ERGIC1: variants seen among roughly 807,000 people sequenced by gnomAD.
ERGIC1 encodes the protein endoplasmic reticulum-Golgi intermediate compartment protein 1.
In ERGIC1, 19 loss-of-function variants were observed where a neutral mutation model predicts 38.3. That is an observed-to-expected ratio of 0.50 (90% CI 0.35 to 0.73). ERGIC1 has a LOEUF of 0.73. Ranked by LOEUF, ERGIC1 falls within the 30% of genes least tolerant of loss-of-function variation. ERGIC1 has a pLI of 0.01. For missense variants in ERGIC1, 294 were observed against 389.2 expected, an observed-to-expected ratio of 0.76 and a Z score of 2.06; for synonymous variants, 124 against 157.6, an observed-to-expected ratio of 0.79 and a Z score of 1.60.
intron 9 of ERGIC1, among the ~76,000 whole-genome samples, chr5:172,948,056 C>T (rs1187748961): frequency 6.6e-6 from 1 of 152,230 alleles, no homozygotes; most frequent in African/African-American, 2.4e-5. Flanking sequence ...CCGTCATCTT[C>T]CCTGAAAAGT....
intron 6 of ERGIC1, among the ~76,000 whole-genome samples, chr5:172,925,379 C>T (rs547771985): frequency 1.3e-5 from 2 of 152,334 alleles, no homozygotes; most frequent in South Asian, 2.1e-4. Context: ...AGCCTTCACA[C>T]GGTCAGTCTC....
chr5:172,903,351 T>C (rs114976489), intron 3 of ERGIC1, among the ~76,000 whole-genome samples: 1 of 152,088 alleles, frequency 6.6e-6, no homozygotes. Flanking sequence ...CTGAAGATTA[T>C]GAAAAAGGAC....
intron 9 of ERGIC1, among the ~76,000 whole-genome samples, chr5:172,941,906 C>T (rs1277099677): frequency 6.6e-6 from 1 of 152,110 alleles, no homozygotes; most frequent in Admixed American, 6.6e-5. Context: ...AGGGCAGGGG[C>T]ATTAAGAAGA....
chr5:172,883,809 C>T (rs1762344101), intron 1 of ERGIC1, among the ~76,000 whole-genome samples: 1 of 152,134 alleles, frequency 6.6e-6, no homozygotes, highest in South Asian at 2.1e-4. Flanking sequence ...TGGCAAAACC[C>T]CATCCCTACA....
chr5:172,854,403 A>G (rs1182161328), intron 1 of ERGIC1, among the ~76,000 whole-genome samples: 1 of 152,218 alleles, frequency 6.6e-6, no homozygotes, highest in Non-Finnish European at 1.5e-5. Context: ...AAGAAACTAC[A>G]GCAGACCCTT....
At chr5:172,856,927 A>G (rs13155834) in intron 1 of ERGIC1, among the ~76,000 whole-genome samples, 21,170 of 152,262 alleles carry the variant, frequency 0.14, 1,588 homozygotes, top group South Asian at 0.23. Flanking sequence ...CCGTGCATAC[A>G]AAATGCCTGA....
chr5:172,867,575 C>T (rs192854604), intron 1 of ERGIC1: 40 of 423,074 alleles, frequency 9.5e-5, no homozygotes, highest in African/African-American at 6.3e-4. Flanking sequence ...ACTCCACCCC[C>T]GAGTCCTAGC....
At chr5:172,872,818 AAAAAAG>A (rs1410186170) in intron 1 of ERGIC1, among the ~76,000 whole-genome samples, 72 of 152,154 alleles carry the variant, frequency 4.7e-4, no homozygotes, top group African/African-American at 1.6e-3. Context: ...TCTATCTCAA[AAAAAAG>A]AAAAAAAGAA....
At chr5:172,948,964 G>A (rs1267861218) in intron 9 of ERGIC1, among the ~76,000 whole-genome samples, 1 of 152,128 alleles carries the variant, frequency 6.6e-6, no homozygotes, top group Admixed American at 6.5e-5. Flanking sequence ...TGAGGCAGGA[G>A]AATCACTTGA....
rs563625471 is a variant in ERGIC1 at position 172,944,698 on chromosome 5, G to A, written c.766-6011G>A. 2.0e-5 allele frequency among the ~76,000 whole-genome samples: 3 copies of A among 152,304 alleles called. No homozygotes were observed. In the East Asian group the frequency reaches 5.8e-4, roughly 29 times the overall value. ...TAAAAGCCAGAAAACTGAGGCACTG[G>A]GAGCTAGGGTGGCACAAGAGCACAT... On this transcript the variant is annotated intron_variant, in intron 9 of 9. Coordinates refer to ENST00000393784, the MANE Select transcript of ERGIC1 (RefSeq NM_001031711.3).
At chr5:172,917,395 A>C (rs1250072432) in intron 5 of ERGIC1, 1 of 152,190 alleles carries the variant, frequency 6.6e-6, no homozygotes, top group Non-Finnish European at 1.5e-5. Flanking sequence ...GTTGGAAGTC[A>C]TGGGTCCTCA....
chr5:172,935,401 G>A (rs1763868955), intron 9 of ERGIC1, 91 bp downstream of exon 9: 10 of 1,566,224 alleles, frequency 6.4e-6, no homozygotes, highest in Admixed American at 3.5e-5. Flanking sequence ...ACCTGTTCTC[G>A]CTGAAACAGG....
At chr5:172,944,294 G>T (rs528184634) in intron 9 of ERGIC1, among the ~76,000 whole-genome samples, 2 of 152,156 alleles carry the variant, frequency 1.3e-5, no homozygotes, top group African/African-American at 4.8e-5. Context: ...GAGCGTGGCA[G>T]TGGCAAGGGA....
chr5:172,847,487 A>G (rs1017582512), intron 1 of ERGIC1, among the ~76,000 whole-genome samples: 1 of 152,080 alleles, frequency 6.6e-6, no homozygotes, highest in Non-Finnish European at 1.5e-5. Context: ...GCAGATTCCT[A>G]AACAGCATGT....
intron 9 of ERGIC1, among the ~76,000 whole-genome samples, chr5:172,946,771 A>G (rs1764131327): frequency 6.6e-6 from 1 of 152,066 alleles, no homozygotes; most frequent in Admixed American, 6.6e-5. Flanking sequence ...CATGCCAGTC[A>G]CCTCCTACTG....
intron 1 of ERGIC1, among the ~76,000 whole-genome samples, chr5:172,879,594 T>C (rs1178642724): frequency 6.6e-6 from 1 of 152,238 alleles, no homozygotes; most frequent in Non-Finnish European, 1.5e-5. Flanking sequence ...AAGTGAGCGC[T>C]GCCTTCTCAG....
At chr5:172,906,017 G>A (rs1376092132) in intron 3 of ERGIC1, 2 of 455,530 alleles carry the variant, frequency 4.4e-6, no homozygotes, top group Non-Finnish European at 8.8e-6. Flanking sequence ...GGTGGGAGTG[G>A]TCACCTTCCC....
chr5:172,844,122 C>T (rs1296020002), intron 1 of ERGIC1, among the ~76,000 whole-genome samples: 1 of 152,192 alleles, frequency 6.6e-6, no homozygotes, highest in Non-Finnish European at 1.5e-5. Flanking sequence ...GATGGTCAGA[C>T]CCAGAGTTAG....
At chr5:172,938,572 CA>C (rs1034225965) in intron 9 of ERGIC1, among the ~76,000 whole-genome samples, 59 of 150,224 alleles carry the variant, frequency 3.9e-4, no homozygotes, top group Non-Finnish European at 6.4e-4. Context: ...GCCAACATGG[CA>C]AAACCTCGTC....
Sources: gnomAD v4.1 joint callset for allele counts (sites outside exome capture counted in the v4.1 genomes callset) on GRCh38, gnomAD v4.1.1 for gene constraint, MANE v1.5 for transcripts, NCBI Gene and HGNC (gene_info 2026-07-23, HGNC 2026-07-21) for gene names.